TMEM232: variants seen among roughly 807,000 people sequenced by gnomAD.
TMEM232 encodes transmembrane protein 232.
A neutral mutation model predicts 78.8 loss-of-function variants in TMEM232; 80 were observed. That is an observed-to-expected ratio of 1.01 (90% CI 0.85 to 1.22). The LOEUF (loss-of-function observed/expected upper bound fraction) is 1.22, where lower values mean the gene tolerates loss of function less well. TMEM232 is among the 50% of genes most tolerant of loss of function. The pLI is 0.00. For synonymous variants in TMEM232, 297 were observed against 254.3 expected (o/e 1.17, Z -1.60); for missense variants, 881 against 742.2 (o/e 1.19, Z -2.17).
At chr5:110,582,558 C>T (rs1034080365) in intron 10 of TMEM232, among the ~76,000 whole-genome samples, 2 of 151,854 alleles carry the variant, frequency 1.3e-5, no homozygotes, top group African/African-American at 4.8e-5. Flanking sequence ...TTATTGGGTA[C>T]TATGTTCACT....
chr5:110,471,520 T>A (rs1385138207), intron 12 of TMEM232, among the ~76,000 whole-genome samples: 7 of 150,184 alleles, frequency 4.7e-5, no homozygotes, highest in African/African-American at 1.7e-4. Flanking sequence ...AAAAGCAGAG[T>A]CACATATAAA....
At chr5:110,631,091 C>A (rs1441472504) in intron 5 of TMEM232, among the ~76,000 whole-genome samples, 2 of 152,074 alleles carry the variant, frequency 1.3e-5, no homozygotes, top group South Asian at 2.1e-4. Flanking sequence ...CCCAGGAGCC[C>A]CAACTGACAT....
intron 1 of TMEM232, among the ~76,000 whole-genome samples, chr5:110,705,649 C>CT (rs1475407845): frequency 7.4e-6 from 1 of 135,854 alleles, no homozygotes; most frequent in Non-Finnish European, 1.7e-5. Context: ...TATAGACCCT[C>CT]TTTTTTCTGA....
chr5:110,588,635 G>A (rs1251756932), intron 10 of TMEM232, among the ~76,000 whole-genome samples: 1 of 151,982 alleles, frequency 6.6e-6, no homozygotes, highest in Non-Finnish European at 1.5e-5. Context: ...TTGCCTCCAG[G>A]GCACAAAATT....
chr5:110,733,706 G>A (rs1204326471), intron 2 of TMEM232, among the ~76,000 whole-genome samples: 1 of 152,100 alleles, frequency 6.6e-6, no homozygotes, highest in African/African-American at 2.4e-5. Flanking sequence ...GGAGGAGAGA[G>A]AGGATCAGAA....
At chr5:110,734,331 T>C (rs909630714) in intron 2 of TMEM232, among the ~76,000 whole-genome samples, 1 of 152,156 alleles carries the variant, frequency 6.6e-6, no homozygotes, top group African/African-American at 2.4e-5. Flanking sequence ...GTGCTTCTCA[T>C]GGTTATGGCA....
At chr5:110,653,862 G>A (rs1412092901) in intron 2 of TMEM232, among the ~76,000 whole-genome samples, 1 of 152,184 alleles carries the variant, frequency 6.6e-6, no homozygotes. Flanking sequence ...AGTCAAGCAT[G>A]AGGAAATGGA....
intron 12 of TMEM232, among the ~76,000 whole-genome samples, chr5:110,527,896 A>C (rs1770831110): frequency 6.6e-6 from 1 of 151,884 alleles, no homozygotes; most frequent in African/African-American, 2.4e-5. Context: ...TCTTGATTAA[A>C]GCTTTACTAA....
chr5:110,465,098 A>G (rs973921475), intron 12 of TMEM232, among the ~76,000 whole-genome samples: 4 of 152,226 alleles, frequency 2.6e-5, no homozygotes, highest in African/African-American at 9.6e-5. Context: ...ATGATCTTCA[A>G]TGTAGGTGTA....
intron 12 of TMEM232, among the ~76,000 whole-genome samples, chr5:110,499,148 AAG>A (rs1765933703): frequency 1.3e-5 from 2 of 152,194 alleles, no homozygotes; most frequent in South Asian, 2.1e-4. Flanking sequence ...GAAAAGGAGA[AAG>A]AGCAGGGGAT....
chr5:110,416,364 C>A (rs1053193764), downstream of TMEM232, among the ~76,000 whole-genome samples: 1 of 152,166 alleles, frequency 6.6e-6, no homozygotes, highest in Non-Finnish European at 1.5e-5. Flanking sequence ...GAGGAGGTGA[C>A]AAGTGTCATT....
downstream of TMEM232, among the ~76,000 whole-genome samples, chr5:110,415,739 TTCTTC>T (rs1756179222): frequency 1.3e-5 from 2 of 152,102 alleles, no homozygotes; most frequent in African/African-American, 2.4e-5. Context: ...GATTTTCTAT[TTCTTC>T]GTGTTTTGAA....
intron 2 of TMEM232, among the ~76,000 whole-genome samples, chr5:110,734,702 A>G (rs1444058470): frequency 6.6e-6 from 1 of 151,930 alleles, no homozygotes; most frequent in Admixed American, 6.6e-5. Context: ...GATGTTAAAT[A>G]TGCTTTGCCT....
chr5:110,443,417 A>T (rs1224270448), intron 12 of TMEM232, among the ~76,000 whole-genome samples: 2 of 152,038 alleles, frequency 1.3e-5, no homozygotes, highest in African/African-American at 4.8e-5. Context: ...TGATGTAAAG[A>T]CCAAGGGCTT....
intron 12 of TMEM232, among the ~76,000 whole-genome samples, chr5:110,467,338 C>A (rs926746375): frequency 9.8e-5 from 15 of 152,292 alleles, no homozygotes; most frequent in Admixed American, 7.8e-4. Context: ...GTAGGAGCCT[C>A]CTGGTAGAGA....
At chr5:110,591,658 A>G (rs1191987317) in intron 10 of TMEM232, among the ~76,000 whole-genome samples, 2 of 152,216 alleles carry the variant, frequency 1.3e-5, no homozygotes, top group South Asian at 2.1e-4. Context: ...TCTTATCATA[A>G]TTATTAGGTA....
intron 1 of TMEM232, among the ~76,000 whole-genome samples, chr5:110,706,525 G>A (rs975955119): frequency 1.3e-5 from 2 of 152,060 alleles, no homozygotes; most frequent in Admixed American, 1.3e-4. Context: ...TTGAACCCGA[G>A]GACACAGAAT....
chr5:110,427,455 G>A (rs1464398719), intron 12 of TMEM232, among the ~76,000 whole-genome samples: 5 of 151,788 alleles, frequency 3.3e-5, no homozygotes, highest in African/African-American at 7.3e-5. Context: ...CAATTTTGTC[G>A]GCATTAAATG....
intron 2 of TMEM232, among the ~76,000 whole-genome samples, chr5:110,407,736 A>G (rs10063331): frequency 0.036 from 5,485 of 152,256 alleles, 350 homozygotes; most frequent in African/African-American, 0.13. Context: ...TCTTTTCATC[A>G]CCACATGGAA....
Sources: gnomAD v4.1 joint callset for allele counts (sites outside exome capture counted in the v4.1 genomes callset) on GRCh38, gnomAD v4.1.1 for gene constraint, MANE v1.5 for transcripts, NCBI Gene and HGNC (gene_info 2026-07-23, HGNC 2026-07-21) for gene names.